The following TSPAN9 variants were observed in gnomAD, a reference collection of about 807,000 sequenced individuals.
TSPAN9 encodes the protein tetraspanin 9.
TSPAN9 carries 16 observed loss-of-function variants against 31.0 expected under a neutral mutation model. The ratio of observed to expected loss-of-function variants is 0.52; its 90% CI spans 0.35 to 0.78. The LOEUF is 0.78. Ranked by LOEUF, TSPAN9 falls within the 30% of genes least tolerant of loss-of-function variation. TSPAN9 has a pLI of 0.01. For missense variants in TSPAN9, 272 were observed against 312.5 expected (o/e 0.87, Z 0.98); for synonymous variants, 145 against 121.6 (o/e 1.19, Z -1.27).
At chr12:3,139,072 C>T (rs571038418) in intron 2 of TSPAN9, among the ~76,000 whole-genome samples, 36 of 152,352 alleles carry the variant, frequency 2.4e-4, no homozygotes, top group African/African-American at 7.0e-4. Flanking sequence ...TCCCCAGAAC[C>T]CACATCTGGC....
chr12:3,194,648 A>T (rs1174796896), intron 2 of TSPAN9, among the ~76,000 whole-genome samples: 1 of 152,096 alleles, frequency 6.6e-6, no homozygotes, highest in Admixed American at 6.5e-5. Context: ...TGGCCTCTCA[A>T]AGTTTTGGGA....
intron 3 of TSPAN9, among the ~76,000 whole-genome samples, chr12:3,206,053 G>A (rs540275986): frequency 2.6e-5 from 4 of 152,342 alleles, no homozygotes; most frequent in East Asian, 3.9e-4. Flanking sequence ...TAAGCAGCTC[G>A]CTCTAGCCTG....
chr12:3,156,577 C>A (rs1325362872), intron 2 of TSPAN9, among the ~76,000 whole-genome samples: 1 of 151,972 alleles, frequency 6.6e-6, no homozygotes, highest in African/African-American at 2.4e-5. Context: ...TCTCGGCTCA[C>A]TGCAACCTCC....
chr12:3,235,268 A>G (rs1387879555), intron 3 of TSPAN9, among the ~76,000 whole-genome samples: 14 of 95,822 alleles, frequency 1.5e-4, no homozygotes, highest in South Asian at 9.0e-4. Flanking sequence ...ATATATATAT[A>G]TATGTAAGTG....
intron 2 of TSPAN9, among the ~76,000 whole-genome samples, chr12:3,122,017 C>T (rs2098325353): frequency 6.6e-6 from 1 of 152,078 alleles, no homozygotes; most frequent in Non-Finnish European, 1.5e-5. Flanking sequence ...TTCTCCCCTC[C>T]CCTCCCCTCG....
At position 3,168,924 on chromosome 12, in the gene TSPAN9, G is replaced by A. The variant is rs181552260; in HGVS notation, c.-17-32253G>A. Among the ~76,000 whole-genome samples, 5 of 152,328 alleles carry A rather than the reference G, an allele frequency of 3.3e-5. No homozygotes were observed. In the East Asian group the frequency reaches 9.6e-4, roughly 29 times the overall value. On this transcript the variant is annotated intron_variant, in intron 2 of 8. Transcript: ENST00000011898. The surrounding 1 kb of genome is among the most constrained non-coding windows in gnomAD (Gnocchi z 4.0). ...ACGTGACTCAGAAGGAAGGTAGTGG[G>A]GAAATACAAGGTGGTGATCTCATGT...
At chr12:3,202,306 G>A (rs190073627) in intron 3 of TSPAN9, among the ~76,000 whole-genome samples, 115 of 152,320 alleles carry the variant, frequency 7.5e-4, no homozygotes, top group African/African-American at 2.5e-3. Context: ...CCCACTGCCC[G>A]TGGTCCAGGA....
At chr12:3,165,908 C>T (rs369124959) in intron 2 of TSPAN9, among the ~76,000 whole-genome samples, 9 of 152,130 alleles carry the variant, frequency 5.9e-5, no homozygotes, top group East Asian at 1.9e-4. Context: ...ATGCAGGGGA[C>T]GGGCCTCAAG....
chr12:3,224,124 C>T (rs1384174102), intron 3 of TSPAN9, among the ~76,000 whole-genome samples: 1 of 152,180 alleles, frequency 6.6e-6, no homozygotes, highest in African/African-American at 2.4e-5. Context: ...GGAAGTTCCT[C>T]CTTCCATCAA....
At chr12:3,220,258 G>C (rs550812958) in intron 3 of TSPAN9, among the ~76,000 whole-genome samples, 48 of 152,290 alleles carry the variant, frequency 3.2e-4, no homozygotes, top group African/African-American at 1.0e-3. Context: ...CGTGGCCCAG[G>C]CTCTGAACCT....
chr12:3,105,178 G>T (rs1255384350), intron 2 of TSPAN9, among the ~76,000 whole-genome samples: 1 of 152,210 alleles, frequency 6.6e-6, no homozygotes, highest in Non-Finnish European at 1.5e-5. Flanking sequence ...CTGCTGTGTA[G>T]AGGCCTGAGC....
chr12:3,170,597 G>A lies in TSPAN9; in HGVS notation c.-17-30580G>A, dbSNP rs1310239818. Among the ~76,000 whole-genome samples the A allele has an allele frequency of 1.3e-5, 2 of 148,826 alleles. No homozygotes were observed. Among genetic ancestry groups the A allele is most frequent in the Non-Finnish European group, 1.5e-5 (1 of 67,294 alleles). On this transcript the variant is annotated intron_variant, in intron 2 of 8. Coordinates refer to ENST00000011898, the MANE Select transcript of TSPAN9 (RefSeq NM_006675.5). The surrounding 1 kb of genome is among the most constrained non-coding windows in gnomAD (Gnocchi z 4.4). ...TCACTGAGTCAGTTCTGTGTGGGGG[G>A]GTCGTGATGGGGGAGCAGATGGCCC...
At chr12:3,130,115 C>T (rs2153966884) in intron 2 of TSPAN9, among the ~76,000 whole-genome samples, 1 of 152,310 alleles carries the variant, frequency 6.6e-6, no homozygotes, top group East Asian at 1.9e-4. Flanking sequence ...TTGGGGTGGC[C>T]AGAGGGTCGC....
chr12:3,221,702 C>G lies in TSPAN9; in HGVS notation c.63+20446C>G, dbSNP rs557743759. 1.9e-4 allele frequency among the ~76,000 whole-genome samples: 29 copies of G among 152,184 alleles called. 2 individuals are homozygous for G. Among genetic ancestry groups the G allele is most frequent in the Admixed American group, 1.8e-3 (28 of 15,288 alleles). ...ATAGGGTCTCACTCTGTCACCCAGG[C>G]TGGAATCCAGTGGCATAATCACAGC... is the stretch of plus-strand genomic sequence containing the variant. On this transcript the variant is annotated intron_variant, in intron 3 of 8. Transcript: ENST00000011898.
intron 2 of TSPAN9, among the ~76,000 whole-genome samples, chr12:3,133,384 TATAA>T (rs1037391216): frequency 2.1e-4 from 20 of 96,036 alleles, no homozygotes; most frequent in African/African-American, 6.8e-4. Context: ...TCAATTATTA[TATAA>T]TTTTTTTTTG....
chr12:3,081,077 A>G (rs1309314793), intron 1 of TSPAN9, among the ~76,000 whole-genome samples: 1 of 152,192 alleles, frequency 6.6e-6, no homozygotes, highest in Non-Finnish European at 1.5e-5. Flanking sequence ...GAGGATAACA[A>G]TACCAAGTAC....
At chr12:3,128,848 C>T (rs1388233104) in intron 2 of TSPAN9, among the ~76,000 whole-genome samples, 1 of 152,202 alleles carries the variant, frequency 6.6e-6, no homozygotes, top group East Asian at 1.9e-4. Context: ...ATTGTGCAAT[C>T]ATCACACTAT....
At chr12:3,176,257 G>A (rs1401447455) in intron 2 of TSPAN9, among the ~76,000 whole-genome samples, 1 of 152,246 alleles carries the variant, frequency 6.6e-6, no homozygotes, top group Non-Finnish European at 1.5e-5. Flanking sequence ...GTCTGAATGG[G>A]GGGAGCCCAG....
chr12:3,166,551 A>G (rs1221645388), intron 2 of TSPAN9, among the ~76,000 whole-genome samples: 2 of 152,238 alleles, frequency 1.3e-5, no homozygotes, highest in African/African-American at 4.8e-5. Context: ...ACCGGGATGA[A>G]TAAATGGACA....
Sources: allele counts gnomAD v4.1 joint callset (sites outside exome capture counted in the v4.1 genomes callset), GRCh38; gene constraint gnomAD v4.1.1; non-coding constraint Gnocchi (gnomAD v3.1); transcripts MANE v1.5; gene names NCBI Gene and HGNC (gene_info 2026-07-23, HGNC 2026-07-21).